Variants in CACNA1H observed in about 807,000 individuals in gnomAD.
CACNA1H encodes the protein calcium voltage-gated channel subunit alpha1 H.
In CACNA1H, 149 loss-of-function variants were observed where a neutral mutation model predicts 192.5. That is an observed-to-expected ratio of 0.77 (90% CI 0.68 to 0.89). The LOEUF is 0.89. Among genes scored for constraint, CACNA1H ranks in the 40% least tolerant of loss-of-function variants. The pLI is 0.00. For missense variants in CACNA1H, 4,257 were observed against 3,423.5 expected (o/e 1.24, Z -6.08); for synonymous variants, 2,202 against 1,475.2 (o/e 1.49, Z -11.29).
intron 2 of CACNA1H, among the ~76,000 whole-genome samples, chr16:1,162,557 C>A (rs1212956266): frequency 6.6e-6 from 1 of 151,352 alleles, no homozygotes; most frequent in Non-Finnish European, 1.5e-5. Context: ...CCTCGGTTGG[C>A]ACGGGGGCTG....
chr16:1,186,457 C>T (rs1247637214), intron 2 of CACNA1H, among the ~76,000 whole-genome samples: 8 of 152,032 alleles, frequency 5.3e-5, no homozygotes, highest in Admixed American at 2.0e-4. Flanking sequence ...GTGGGGTGAA[C>T]GTCAAAGGGT....
chr16:1,196,231 G>A (rs540950400), intron 5 of CACNA1H, among the ~76,000 whole-genome samples: 2 of 152,394 alleles, frequency 1.3e-5, no homozygotes, highest in South Asian at 2.1e-4. Context: ...CTGCGGTGTG[G>A]TGGGCAGTCA....
Position 1,164,377 on chromosome 16 carries a change from A to G in CACNA1H, c.299+10341A>G, listed in dbSNP as rs528059487. On this transcript the variant is annotated intron_variant, in intron 2 of 34. Transcript: ENST00000348261. ...GAGACAAGGTCTCACCCTGTCGCCCAGGCTGAGTGCAGTGGTGCAGTCACC... is the reference window on the plus strand; with the variant it reads ...GAGACAAGGTCTCACCCTGTCGCCCGGGCTGAGTGCAGTGGTGCAGTCACC... Among the ~76,000 whole-genome samples, 541 of 152,228 alleles carry G rather than the reference A, an allele frequency of 3.6e-3. 2 individuals carry two copies. The highest frequency in any genetic ancestry group is 5.4e-3 in the Non-Finnish European group (368 of 68,002).
In CACNA1H at chr16:1,220,897, G is replaced by T; in HGVS notation, c.6965G>T (p.Arg2322Leu). 6.2e-7 allele frequency: 1 copy of T among 1,612,358 alleles called. No homozygotes were observed. Residue 2322 changes from arginine (R) to leucine (L), a missense_variant, in exon 35 of 35, where the codon CGG becomes CTG. Coordinates refer to ENST00000348261, the MANE Select transcript of CACNA1H (RefSeq NM_021098.3). ...MPVGDPPEKR[R>L]GLYLTVPQCP... Reference sequence around the variant, plus strand: ...GTCGGTGACCCCCCAGAGAAGAGGCGGGGGCTGTACCTCACAGTCCCCCAG... The same window carrying T: ...GTCGGTGACCCCCCAGAGAAGAGGCTGGGGCTGTACCTCACAGTCCCCCAG...
chr16:1,177,977 C>G (rs377408055), intron 2 of CACNA1H, among the ~76,000 whole-genome samples: 1 of 150,906 alleles, frequency 6.6e-6, no homozygotes, highest in Non-Finnish European at 1.5e-5. Flanking sequence ...CTGGGACCCC[C>G]GGGGTCTCTC....
At chr16:1,192,882 G>A (rs1277274905) in intron 2 of CACNA1H, among the ~76,000 whole-genome samples, 1 of 151,986 alleles carries the variant, frequency 6.6e-6, no homozygotes, top group African/African-American at 2.4e-5. Context: ...TGTGCTGGTT[G>A]GGAGCCGGCC....
rs376616017 is a variant in CACNA1H at position 1,204,215 on chromosome 16, C to T, written c.2208C>T (p.His736=). 7.6e-5 allele frequency: 122 copies of T among 1,611,808 alleles called. No homozygotes were observed. The highest frequency in any genetic ancestry group is 1.7e-4 in the Middle Eastern group (1 of 6,056). The change falls in exon 10 of 35, where the codon CAC becomes CAT. Residue 736 remains histidine, a synonymous_variant. Coordinates refer to ENST00000348261, the MANE Select transcript of CACNA1H (RefSeq NM_021098.3). ...GVYEFTQDVR[H]GDRWDPTRPP... ...ATGAATTCACGCAGGACGTCCGGCA[C>T]GGTGACCGCTGGGACCCCACGCGAC...
At chr16:1,162,374 GC>G (rs543863275) in intron 2 of CACNA1H, among the ~76,000 whole-genome samples, 43 of 152,024 alleles carry the variant, frequency 2.8e-4, no homozygotes, top group Admixed American at 2.4e-3. Context: ...TCACCTGTGG[GC>G]CCCCCCGGAG....
intron 2 of CACNA1H, among the ~76,000 whole-genome samples, chr16:1,184,745 G>A (rs1351864466): frequency 2.0e-5 from 3 of 152,342 alleles, no homozygotes; most frequent in African/African-American, 4.8e-5. Flanking sequence ...CCCATGTGCC[G>A]GGTCTCAATT....
chr16:1,209,472 C>T lies in CACNA1H; in HGVS notation c.3744+60C>T, dbSNP rs1017145722. The T allele has an allele frequency of 5.7e-6, 9 of 1,572,808 alleles. No homozygotes were observed. In the African/African-American group the frequency reaches 8.2e-5, roughly 14 times the overall value. ...CCTTCGTCTGTCTGGGGCAGGTTCC[C>T]TCAAGTGGGGTTTGAGATGGGATTC... On this transcript the variant is annotated intron_variant, in intron 17 of 34. Coordinates refer to ENST00000348261, the MANE Select transcript of CACNA1H (RefSeq NM_021098.3).
At position 1,185,067 on chromosome 16, in the gene CACNA1H, C is replaced by G. The variant is rs189745471; in HGVS notation, c.300-9905C>G. On this transcript the variant is annotated intron_variant, in intron 2 of 34. Transcript: ENST00000348261. The stretch of plus-strand genomic sequence containing the variant: ...TGCCCAGCCCTGGTGGTCTCTACCC[C>G]GCTTTGTCTCTGGGTTTGCCTGTGC... Among the ~76,000 whole-genome samples, 152 of 152,334 alleles carry G rather than the reference C, an allele frequency of 1.0e-3. 1 individual carries two copies. The highest frequency in any genetic ancestry group is 1.9e-3 in the Non-Finnish European group (127 of 68,034).
chr16:1,167,988 G>T lies in CACNA1H; in HGVS notation c.299+13952G>T, dbSNP rs1963967990. ...CTGGAGGCGGCCGCTTGTCCCCAAG[G>T]CCTGGTGACCGCACCTCTGTCTGCC... On this transcript the variant is annotated intron_variant, in intron 2 of 34. Transcript: ENST00000348261. The surrounding 1 kb of genome is among the most constrained non-coding windows in gnomAD (Gnocchi z 4.2). Among the ~76,000 whole-genome samples, 1 of 152,198 alleles carries T rather than the reference G, an allele frequency of 6.6e-6. No homozygotes were observed. The highest frequency in any genetic ancestry group is 1.5e-5 in the Non-Finnish European group (1 of 68,032).
Position 1,221,193 on chromosome 16 carries a change from G to A in CACNA1H, c.*199G>A, listed in dbSNP as rs1341018600. On this transcript the variant is annotated 3_prime_UTR_variant, in exon 35 of 35. Transcript: ENST00000348261. ...TGCCGGGCCCCACGAGCCTCCGTCC[G>A]TTCTGGTTCGGGTTTCTCCGAGTTT... is the stretch of plus-strand genomic sequence containing the variant. 25 of 530,170 alleles carry A rather than the reference G, an allele frequency of 4.7e-5. No individual in the cohort carries two copies. The highest frequency in any genetic ancestry group is 4.8e-4 in the Middle Eastern group (1 of 2,082). 32.8% of individuals were successfully genotyped at this position (530,170 alleles called of 1,614,324 possible).
At position 1,200,201 on chromosome 16, in the gene CACNA1H, C is replaced by G. The variant is rs553059799; in HGVS notation, c.804-55C>G. Reference sequence around the variant, plus strand: ...CCTGATCACAATCGTGCCCCCGACTCTGACCGTCCCTGACCCTGATTGTAC... The same window carrying G: ...CCTGATCACAATCGTGCCCCCGACTGTGACCGTCCCTGACCCTGATTGTAC... On this transcript the variant is annotated intron_variant, in intron 6 of 34. Transcript: ENST00000348261. The G allele has an allele frequency of 1.3e-5, 19 of 1,442,298 alleles. No individual in the cohort carries two copies. The South Asian group carries it at 1.8e-4, about 14-fold the overall frequency. 89.3% of individuals were successfully genotyped at this position (1,442,298 alleles called of 1,614,324 possible).
intron 5 of CACNA1H, among the ~76,000 whole-genome samples, chr16:1,196,438 G>T (rs1376326230): frequency 1.3e-5 from 2 of 152,210 alleles, no homozygotes; most frequent in African/African-American, 4.8e-5. Flanking sequence ...TGGGGGCTCT[G>T]TGAAGCCCCG....
At chr16:1,163,885 C>T (rs993266707) in intron 2 of CACNA1H, among the ~76,000 whole-genome samples, 4 of 152,232 alleles carry the variant, frequency 2.6e-5, no homozygotes, top group East Asian at 1.9e-4. Flanking sequence ...GGCTATGTGG[C>T]GGCCACCTCG....
intron 24 of CACNA1H, 54 bp from the exon 25 acceptor site, chr16:1,211,892 G>A: frequency 6.2e-7 from 1 of 1,610,548 alleles, no homozygotes; most frequent in Non-Finnish European, 8.5e-7. Context: ...GGCCATCCTG[G>A]GTAGGGCCCC....
rs372472186 is a variant in CACNA1H, at chr16:1,209,272, C to T, written c.3604C>T (p.Arg1202Trp). 55 of 1,552,602 alleles carry T rather than the reference C, an allele frequency of 3.5e-5. No homozygotes were observed. The highest frequency in any genetic ancestry group is 1.7e-4 in the Middle Eastern group (1 of 6,018). ...GCGGCGGGCCGAGTCCCTGGACCCA[C>T]GGCCCCTGCGGCCGGCCGCCCTCCC... ...PLRRAESLDP[R>W]PLRPAALPPT... The change falls in exon 17 of 35, where the codon CGG (arginine) becomes TGG (tryptophan). Residue 1202 changes from arginine to tryptophan, a missense_variant. Physicochemically the swap from Arg to Trp is moderately radical, Grantham distance 101 (BLOSUM62 -3). Transcript: ENST00000348261.
rs1047592675 is a variant in CACNA1H at position 1,180,748 on chromosome 16, G to A, written c.300-14224G>A. 4.6e-5 allele frequency among the ~76,000 whole-genome samples: 7 copies of A among 152,262 alleles called. No individual in the cohort carries two copies. Among genetic ancestry groups the A allele is most frequent in the East Asian group, 1.9e-4 (1 of 5,164 alleles). On this transcript the variant is annotated intron_variant, in intron 2 of 34. Transcript: ENST00000348261. This position sits in a 1 kb window ranked among gnomAD's most constrained non-coding sequence, Gnocchi z 4.4. ...GTGCAGCGGGGGCTGGGATGCCGCC[G>A]AATAGGGGCCTGTGGCTCCCACAGG...
Sources: allele counts gnomAD v4.1 joint callset (sites outside exome capture counted in the v4.1 genomes callset), GRCh38; gene constraint gnomAD v4.1.1; non-coding constraint Gnocchi (gnomAD v3.1); transcripts MANE v1.5; gene names NCBI Gene and HGNC (gene_info 2026-07-23, HGNC 2026-07-21).